ESR1: variants seen among roughly 807,000 people sequenced by gnomAD.
The protein encoded by ESR1 is estrogen receptor 1, also known as estrogen receptor.
In ESR1, 12 loss-of-function variants were observed where a neutral mutation model predicts 52.7. The observed-to-expected ratio is 0.23, with a 90% CI of 0.15 to 0.37. The LOEUF (loss-of-function observed/expected upper bound fraction) is 0.37, where lower values mean the gene tolerates loss of function less well. Ranked by LOEUF, ESR1 falls within the 10% of genes least tolerant of loss-of-function variation. The pLI is 1.00. For missense variants in ESR1, 584 were observed against 779.7 expected, an observed-to-expected ratio of 0.75 and a Z score of 2.99; for synonymous variants, 305 against 316.8, an observed-to-expected ratio of 0.96 and a Z score of 0.39.
intron 2 of ESR1, among the ~76,000 whole-genome samples, chr6:151,738,777 G>A (rs1044530972): frequency 6.6e-6 from 1 of 152,094 alleles, no homozygotes; most frequent in Admixed American, 6.6e-5. Context: ...TTTCTAATGT[G>A]CATGAGCTGG....
intron 3 of ESR1, among the ~76,000 whole-genome samples, chr6:151,905,493 GA>G (rs1293894849): frequency 1.3e-5 from 2 of 151,932 alleles, no homozygotes; most frequent in African/African-American, 4.8e-5. Flanking sequence ...CCTAACAATA[GA>G]AAAAAATCGA....
Position 151,925,784 on chromosome 6 carries a change from C to T in ESR1, c.761-18389C>T, listed in dbSNP as rs189659430. On this transcript the variant is annotated intron_variant, in intron 3 of 7. Coordinates refer to ENST00000206249, the MANE Select transcript of ESR1 (RefSeq NM_000125.4). Reference sequence around the variant, plus strand: ...TTTTCACTCTCTTAATTGTTTTTTTCAAAGTAGAAATTTAAATTTTAATGA... The same window carrying T: ...TTTTCACTCTCTTAATTGTTTTTTTTAAAGTAGAAATTTAAATTTTAATGA... 1.4e-4 allele frequency among the ~76,000 whole-genome samples: 21 copies of T among 151,522 alleles called. No homozygotes were observed. In the East Asian group the frequency reaches 4.1e-3, roughly 29 times the overall value.
intron 5 of ESR1, among the ~76,000 whole-genome samples, chr6:152,045,906 A>G (rs2046195192): frequency 6.6e-6 from 1 of 152,238 alleles, no homozygotes; most frequent in South Asian, 2.1e-4. Context: ...CTGCATTTGA[A>G]TGATCATTTG....
At chr6:151,696,329 G>A (rs1045210079) in intron 1 of ESR1, among the ~76,000 whole-genome samples, 14 of 151,938 alleles carry the variant, frequency 9.2e-5, no homozygotes, top group East Asian at 5.8e-4. Context: ...AAAATTAGCC[G>A]GACATGGTGG....
In ESR1 at chr6:151,943,379, TA is replaced by T. The variant is rs1248314600; in HGVS notation, c.761-784del. 1.3e-4 allele frequency among the ~76,000 whole-genome samples: 18 copies of T among 133,958 alleles called. No individual in the cohort carries two copies. The South Asian group carries it at 1.5e-3, about 11-fold the overall frequency. 87.9% of individuals were successfully genotyped at this position (133,958 alleles called of 152,430 possible). On this transcript the variant is annotated intron_variant, in intron 3 of 7. Transcript: ENST00000206249. ...TGGGTGACACAGCGAGACTCCATCT[TA>T]AAAAAAAAACAAAAAAAAACAAAAA...
chr6:151,784,873 C>T (rs1786873628), intron 2 of ESR1, among the ~76,000 whole-genome samples: 1 of 152,152 alleles, frequency 6.6e-6, no homozygotes, highest in Admixed American at 6.5e-5. Flanking sequence ...GTTGGCAAGT[C>T]TGAAATTTGT....
intron 3 of ESR1, 21 bp downstream of exon 3, chr6:151,880,792 G>T (rs747572455): frequency 7.5e-7 from 1 of 1,332,000 alleles, no homozygotes. Context: ...CTCTCCCAGG[G>T]GCCCTTGGGG....
At chr6:151,677,007 T>C (rs1778274684) in intron 1 of ESR1, among the ~76,000 whole-genome samples, 3 of 151,864 alleles carry the variant, frequency 2.0e-5, no homozygotes, top group Admixed American at 2.0e-4. Flanking sequence ...AGAAGAAAAA[T>C]TTGTTCTTTA....
intron 3 of ESR1, among the ~76,000 whole-genome samples, chr6:151,912,332 A>AT (rs1798395387): frequency 6.6e-6 from 1 of 152,204 alleles, no homozygotes; most frequent in South Asian, 2.1e-4. Flanking sequence ...GCCTGCTTTA[A>AT]TTTGCGTAGC....
intron 4 of ESR1, among the ~76,000 whole-genome samples, chr6:152,007,836 C>T (rs1250256562): frequency 6.6e-6 from 1 of 152,070 alleles, no homozygotes; most frequent in Non-Finnish European, 1.5e-5. Context: ...CCCGTAGCAG[C>T]TGCTAAGCTC....
Position 152,099,196 on chromosome 6 carries a change from T to C in ESR1, c.*230T>C, listed in dbSNP as rs2050871258. 3.5e-6 allele frequency: 2 copies of C among 578,836 alleles called. No homozygotes were observed. The highest frequency in any genetic ancestry group is 6.3e-6 in the Non-Finnish European group (2 of 319,802). The allele number at this position is 578,836 out of a possible 1,614,324, so 35.9% of individuals were successfully genotyped here. A position where few individuals can be genotyped will look rare whatever the true frequency, so the allele number is the denominator to read the frequency against. On this transcript the variant is annotated 3_prime_UTR_variant, in exon 8 of 8. Coordinates refer to ENST00000206249, the MANE Select transcript of ESR1 (RefSeq NM_000125.4). The stretch of plus-strand genomic sequence containing the variant: ...CAAGGCTAAATCTTTGTAACAGCTC[T>C]CTTTCCCCCTTGCTATGTTACTAAG...
chr6:151,975,460 C>A (rs2039354447), intron 4 of ESR1, among the ~76,000 whole-genome samples: 1 of 151,944 alleles, frequency 6.6e-6, no homozygotes, highest in Non-Finnish European at 1.5e-5. Context: ...GTCAATCAAT[C>A]AATCAAGACA....
intron 4 of ESR1, among the ~76,000 whole-genome samples, chr6:151,986,902 CAT>C (rs1491373100): frequency 2.0e-5 from 3 of 151,292 alleles, no homozygotes; most frequent in Non-Finnish European, 4.4e-5. Context: ...TGTGTGTGAG[CAT>C]GTGTGTGTGT....
intron 2 of ESR1, among the ~76,000 whole-genome samples, chr6:151,776,894 G>T (rs1786048189): frequency 6.6e-6 from 1 of 151,806 alleles, no homozygotes; most frequent in Non-Finnish European, 1.5e-5. Flanking sequence ...GATTGGCTTG[G>T]CTGGAGAAGG....
chr6:151,889,194 A>G (rs1455590137), intron 3 of ESR1, among the ~76,000 whole-genome samples: 3 of 152,064 alleles, frequency 2.0e-5, no homozygotes, highest in Non-Finnish European at 4.4e-5. Flanking sequence ...ATGAGTTTGG[A>G]AGTATTCCCT....
chr6:152,112,375 CAA>C (rs2051155863), intron 6 of ESR1, among the ~76,000 whole-genome samples: 1 of 152,122 alleles, frequency 6.6e-6, no homozygotes, highest in African/African-American at 2.4e-5. Context: ...CATTTCAAGT[CAA>C]GTGTCCCCGA....
Position 152,100,772 on chromosome 6 carries a change from C to CAAA in ESR1, c.*1819_*1821dup, listed in dbSNP as rs71017521. The CAAA allele has an allele frequency of 8.3e-5, 16 of 192,576 alleles. No individual in the cohort carries two copies. The highest frequency in any genetic ancestry group is 2.2e-4 in the South Asian group (1 of 4,646). The allele number at this position is 192,576 out of a possible 1,614,324, so 11.9% of individuals were successfully genotyped here. On this transcript the variant is annotated 3_prime_UTR_variant, in exon 8 of 8. Coordinates refer to ENST00000206249, the MANE Select transcript of ESR1 (RefSeq NM_000125.4). ...CCAAAGGACTGAGAATCTGGGAGGG[C>CAAA]AAAAAAAAAAAAAAAGTTTTTATGT...
At chr6:151,732,759 C>G (rs1294867724) in intron 2 of ESR1, among the ~76,000 whole-genome samples, 1 of 152,152 alleles carries the variant, frequency 6.6e-6, no homozygotes, top group Admixed American at 6.5e-5. Flanking sequence ...TACCAGCCGT[C>G]AGATCTCATC....
At chr6:151,874,509 C>A (rs1378148553) in intron 2 of ESR1, among the ~76,000 whole-genome samples, 5 of 152,182 alleles carry the variant, frequency 3.3e-5, no homozygotes, top group Non-Finnish European at 7.3e-5. Context: ...AAAATAACTA[C>A]ACCACATACT....
Sources: allele counts gnomAD v4.1 joint callset (sites outside exome capture counted in the v4.1 genomes callset), GRCh38; gene constraint gnomAD v4.1.1; transcripts MANE v1.5; gene names NCBI Gene and HGNC (gene_info 2026-07-23, HGNC 2026-07-21).